The following TTC3 variants were observed in gnomAD, a reference collection of about 807,000 sequenced individuals.
TTC3 encodes tetratricopeptide repeat domain 3.
A neutral mutation model predicts 249.6 loss-of-function variants in TTC3; 180 were observed. The ratio of observed to expected loss-of-function variants is 0.72; its 90% CI spans 0.64 to 0.82. TTC3 has a LOEUF of 0.82. TTC3 is among the 40% of genes least tolerant of loss of function. The pLI, the probability that TTC3 is intolerant of heterozygous loss-of-function variation, is 0.00. For missense variants in TTC3, 2,061 were observed against 2,398.4 expected (o/e 0.86, Z 2.94); for synonymous variants, 717 against 805.0 (o/e 0.89, Z 1.85).
At chr21:37,123,801 T>A (rs1335991242) in intron 13 of TTC3, among the ~76,000 whole-genome samples, 1 of 151,356 alleles carries the variant, frequency 6.6e-6, no homozygotes, top group Admixed American at 6.6e-5. Flanking sequence ...CAGGCTGGAG[T>A]GCGGTGTTAT....
At chr21:37,086,447 A>G (rs2072486391) in intron 1 of TTC3, 1 of 151,880 alleles carries the variant, frequency 6.6e-6, no homozygotes, top group Non-Finnish European at 1.5e-5. Flanking sequence ...TTCTTCAGGA[A>G]AAAAAACCCT....
chr21:37,095,361 A>G (rs1341476296), exon 9 of TTC3: 1 of 1,604,714 alleles, frequency 6.2e-7, no homozygotes, highest in African/African-American at 1.3e-5. Context: ...AAGGAGAACT[A>G]ATGAAAATGA....
rs2078168856 is a variant in TTC3 at position 37,138,630 on chromosome 21, A to T, written c.1579-4A>T. ...ATTTTTAACTGAGGCATTTTTATTG[A>T]CAGCAATTGAACCTGGCCATGATTA... On this transcript the variant is annotated splice_region_variant and splice_polypyrimidine_tract_variant and intron_variant, in intron 18 of 45. Transcript: ENST00000355666. 1 of 1,609,016 alleles carries T rather than the reference A, an allele frequency of 6.2e-7. No homozygotes were observed. The highest frequency in any genetic ancestry group is 8.5e-7 in the Non-Finnish European group (1 of 1,177,144).
At chr21:37,126,233 A>G in intron 15 of TTC3, 90 bp downstream of exon 15, 2 of 1,120,138 alleles carry the variant, frequency 1.8e-6, no homozygotes, top group Non-Finnish European at 2.6e-6. Flanking sequence ...CCTTGCTTAT[A>G]TCCACTCTTG....
chr21:37,144,012 A>G (rs1441924907), intron 20 of TTC3, among the ~76,000 whole-genome samples: 1 of 151,710 alleles, frequency 6.6e-6, no homozygotes, highest in East Asian at 1.9e-4. Flanking sequence ...CAAACACCGC[A>G]TGTTCTCACT....
chr21:37,108,497 T>G (rs1309021054), intron 11 of TTC3, 51 bp downstream of exon 11: 2 of 1,530,766 alleles, frequency 1.3e-6, no homozygotes, highest in Non-Finnish European at 1.8e-6. Context: ...TACAACATTG[T>G]GAAAAATCTG....
intron 23 of TTC3, 75 bp downstream of exon 23, chr21:37,148,722 C>T: frequency 1.1e-6 from 1 of 895,374 alleles, no homozygotes. Context: ...GAATTCCTTC[C>T]TGAACATTCT....
intron 1 of TTC3, chr21:37,081,664 T>C (rs922263877): frequency 6.6e-6 from 1 of 152,144 alleles, no homozygotes. Context: ...GATATATATA[T>C]ACACTAAACT....
chr21:37,196,199 GA>G (rs1224947771), intron 42 of TTC3, among the ~76,000 whole-genome samples, 163 bp downstream of exon 42: 1 of 151,294 alleles, frequency 6.6e-6, no homozygotes, highest in Non-Finnish European at 1.5e-5. Context: ...TAAATATAGA[GA>G]TAAGTATTTT....
intron 1 of TTC3, among the ~76,000 whole-genome samples, chr21:37,074,281 T>C (rs1543748): frequency 0.46 from 69,403 of 152,052 alleles, 16,366 homozygotes; most frequent in Non-Finnish European, 0.52. Flanking sequence ...TCCGCAGTGT[T>C]GACGCTGCCA....
intron 27 of TTC3, among the ~76,000 whole-genome samples, chr21:37,155,198 C>CT (rs11370364): frequency 0.99 from 151,487 of 152,290 alleles, 75,343 homozygotes; most frequent in Middle Eastern, 1. Flanking sequence ...GAATTTTCTT[C>CT]AATAAAACGA....
intron 6 of TTC3, chr21:37,090,590 G>C (rs1199359319): frequency 1.1e-6 from 1 of 926,562 alleles, no homozygotes; most frequent in Non-Finnish European, 1.3e-6. Flanking sequence ...TAGGCCTCTG[G>C]TATGAATATT....
intron 13 of TTC3, among the ~76,000 whole-genome samples, chr21:37,123,573 T>A (rs961014242): frequency 4.6e-5 from 7 of 152,220 alleles, no homozygotes; most frequent in Admixed American, 3.9e-4. Context: ...TAAAACAGAT[T>A]AAATGTTTTT....
chr21:37,191,535 T>A, intron 40 of TTC3, 111 bp downstream of exon 40: 1 of 595,380 alleles, frequency 1.7e-6, no homozygotes, highest in South Asian at 3.9e-5. Flanking sequence ...TTATCAATAA[T>A]TTTTTTTGTT....
intron 44 of TTC3, among the ~76,000 whole-genome samples, chr21:37,199,189 G>C (rs968543653): frequency 2.0e-5 from 3 of 152,168 alleles, no homozygotes; most frequent in Non-Finnish European, 4.4e-5. Flanking sequence ...TTGGGGTGAT[G>C]CCTCCAGTGC....
chr21:37,143,509 C>A (rs9680396), intron 20 of TTC3, among the ~76,000 whole-genome samples: 5,295 of 151,896 alleles, frequency 0.035, 194 homozygotes, highest in Admixed American at 0.1. Context: ...TCATCACTGG[C>A]CATCAGAGAA....
Position 37,179,659 on chromosome 21 carries a change from T to C in TTC3, c.4618-3115T>C, listed in dbSNP as rs150896155. Among the ~76,000 whole-genome samples, 224 of 152,304 alleles carry C rather than the reference T, an allele frequency of 1.5e-3. 2 individuals carry two copies. The highest frequency in any genetic ancestry group is 4.9e-3 in the African/African-American group (205 of 41,570). ...CTCTACCAAACTGTGATCTTGAAAG[T>C]AAGGACTGTTTTTCATTTTGTTTGT... On this transcript the variant is annotated intron_variant, in intron 35 of 45. Coordinates refer to ENST00000355666, the Ensembl canonical transcript of TTC3.
chr21:37,137,459 A>G lies in TTC3; in HGVS notation c.1579-1175A>G, dbSNP rs191017561. ...AGGGGTTCAGGACATTAGTGGAGGA[A>G]GTCACTGCAGATGTGGTGGAACAAG... On this transcript the variant is annotated intron_variant, in intron 18 of 45. Transcript: ENST00000355666. Among the ~76,000 whole-genome samples the G allele has an allele frequency of 2.5e-3, 387 of 152,314 alleles. 1 individual carries two copies. Among genetic ancestry groups the G allele is most frequent in the Middle Eastern group, 6.8e-3 (2 of 294 alleles).
intron 31 of TTC3, 130 bp downstream of exon 31, chr21:37,162,193 C>T (rs1169742334): frequency 1.9e-6 from 1 of 536,776 alleles, no homozygotes; most frequent in Non-Finnish European, 3.2e-6. Context: ...GTGCATCTGA[C>T]AACCTGATGT....
Sources: gnomAD v4.1 joint callset for allele counts (sites outside exome capture counted in the v4.1 genomes callset) on GRCh38, gnomAD v4.1.1 for gene constraint, MANE v1.5 for transcripts, NCBI Gene and HGNC (gene_info 2026-07-23, HGNC 2026-07-21) for gene names.